Variants in GRIN2A observed in about 807,000 individuals in gnomAD.
GRIN2A encodes the protein glutamate ionotropic receptor NMDA type subunit 2A.
In GRIN2A, 22 loss-of-function variants were observed where a neutral mutation model predicts 113.4. That is an observed-to-expected ratio of 0.19 (90% CI 0.14 to 0.28). The LOEUF is 0.28. Ranked by LOEUF, GRIN2A falls within the 10% of genes least tolerant of loss-of-function variation. The pLI is 1.00. For synonymous variants in GRIN2A, 827 were observed against 738.4 expected (o/e 1.12, Z -1.94); for missense variants, 1,502 against 1,887.0 (o/e 0.80, Z 3.78).
intron 2 of GRIN2A, among the ~76,000 whole-genome samples, chr16:10,073,748 C>CA (rs2047807758): frequency 2.5e-5 from 3 of 121,218 alleles, no homozygotes; most frequent in African/African-American, 9.9e-5. Flanking sequence ...TACTAAAAAT[C>CA]CAGAAAAAAA....
At chr16:10,131,467 T>A (rs2049062096) in intron 2 of GRIN2A, among the ~76,000 whole-genome samples, 1 of 122,056 alleles carries the variant, frequency 8.2e-6, no homozygotes, top group South Asian at 3.6e-4. Flanking sequence ...TCACCACTTA[T>A]CCCATTTTTT....
intron 2 of GRIN2A, among the ~76,000 whole-genome samples, chr16:10,001,539 C>T (rs962879742): frequency 2.0e-5 from 3 of 152,180 alleles, no homozygotes; most frequent in Non-Finnish European, 2.9e-5. Flanking sequence ...GATGCCCCAT[C>T]GTGAACACAA....
intron 2 of GRIN2A, among the ~76,000 whole-genome samples, chr16:9,996,473 G>T (rs932761539): frequency 7.2e-5 from 11 of 152,200 alleles, no homozygotes; most frequent in African/African-American, 2.7e-4. Flanking sequence ...ACCCATCACT[G>T]TAATCGTTAA....
At chr16:10,160,062 C>A (rs1463672816) in intron 2 of GRIN2A, among the ~76,000 whole-genome samples, 2 of 152,214 alleles carry the variant, frequency 1.3e-5, no homozygotes, top group Non-Finnish European at 2.9e-5. Context: ...GTGCAGGGAA[C>A]CTGATTTCAG....
chr16:9,976,325 C>A (rs1282807890), intron 2 of GRIN2A, among the ~76,000 whole-genome samples: 1 of 152,204 alleles, frequency 6.6e-6, no homozygotes, highest in Non-Finnish European at 1.5e-5. Flanking sequence ...AGGTGATATG[C>A]AGCCCCATAT....
intron 2 of GRIN2A, among the ~76,000 whole-genome samples, chr16:10,145,525 A>G (rs1435052169): frequency 6.6e-6 from 1 of 151,012 alleles, no homozygotes; most frequent in Non-Finnish European, 1.5e-5. Flanking sequence ...AAAAAAAAAA[A>G]TTGACCATGA....
chr16:10,097,553 C>T (rs1335328027), intron 2 of GRIN2A, among the ~76,000 whole-genome samples: 1 of 152,150 alleles, frequency 6.6e-6, no homozygotes, highest in African/African-American at 2.4e-5. Context: ...CTCCTGGTCC[C>T]TAAGCCTTCC....
intron 2 of GRIN2A, among the ~76,000 whole-genome samples, chr16:10,080,571 G>A (rs1203667049): frequency 6.6e-6 from 1 of 152,220 alleles, no homozygotes; most frequent in Non-Finnish European, 1.5e-5. Flanking sequence ...GCCTGCCACA[G>A]GGAAATGAGT....
chr16:10,099,238 C>T (rs1163157430), intron 2 of GRIN2A, among the ~76,000 whole-genome samples: 1 of 152,124 alleles, frequency 6.6e-6, no homozygotes, highest in African/African-American at 2.4e-5. Context: ...GATGACTCCC[C>T]ATGTTCAGCA....
rs71400490 is a variant in GRIN2A, at chr16:9,772,922, C to CAAAAA, written c.2357-3838_2357-3834dup. ...AACATGGTAAAGCAGACTTCAATTT[C>CAAAAA]AAAAAAAAAAAAAAAAAAAAAGAGC... On this transcript the variant is annotated intron_variant, in intron 11 of 12. Coordinates refer to ENST00000330684, the MANE Select transcript of GRIN2A (RefSeq NM_001134407.3). 2.3e-3 allele frequency among the ~76,000 whole-genome samples: 235 copies of CAAAAA among 104,306 alleles called. 1 individual carries two copies. Among genetic ancestry groups the CAAAAA allele is most frequent in the Middle Eastern group, 5.7e-3 (1 of 174 alleles). 68.4% of individuals were successfully genotyped at this position (104,306 alleles called of 152,430 possible).
rs1341123959 is a variant in GRIN2A at position 9,759,221 on chromosome 16, G to A, written c.*3928C>T. 4.6e-6 allele frequency: 1 copy of A among 219,020 alleles called. No individual in the cohort carries two copies. The highest frequency in any genetic ancestry group is 2.2e-5 in the African/African-American group (1 of 44,510). The allele number at this position is 219,020 out of a possible 1,614,324, so 13.6% of individuals were successfully genotyped here. On this transcript the variant is annotated 3_prime_UTR_variant, in exon 13 of 13. Transcript: ENST00000330684. Reference sequence around the variant, plus strand: ...TTCAGTACAAGGTACTTATTTATATGACAACTGATTATTAAAGCTGCACTT... The same window carrying A: ...TTCAGTACAAGGTACTTATTTATATAACAACTGATTATTAAAGCTGCACTT...
At chr16:9,867,345 C>G (rs545571863) in intron 4 of GRIN2A, among the ~76,000 whole-genome samples, 1 of 152,306 alleles carries the variant, frequency 6.6e-6, no homozygotes, top group African/African-American at 2.4e-5. Context: ...CACCTGCCCA[C>G]AAGACTGCAA....
chr16:10,179,203 T>C (rs953737555), intron 2 of GRIN2A, among the ~76,000 whole-genome samples: 4 of 152,226 alleles, frequency 2.6e-5, no homozygotes, highest in African/African-American at 9.6e-5. Context: ...ACACTCTTTC[T>C]TGCATTTTGA....
intron 2 of GRIN2A, among the ~76,000 whole-genome samples, chr16:10,149,516 T>G (rs1384872064): frequency 6.6e-6 from 1 of 152,252 alleles, no homozygotes; most frequent in African/African-American, 2.4e-5. Flanking sequence ...GTTGATTAAA[T>G]AAAAGCCCTA....
At chr16:9,915,635 A>T (rs2044234857) in intron 3 of GRIN2A, among the ~76,000 whole-genome samples, 1 of 152,162 alleles carries the variant, frequency 6.6e-6, no homozygotes. Context: ...AATTGATGTA[A>T]TTGATGTCAT....
At chr16:10,112,283 G>C in intron 2 of GRIN2A, 1 of 644,758 alleles carries the variant, frequency 1.6e-6, no homozygotes, top group Middle Eastern at 3.7e-4. Flanking sequence ...TGATTGGGAG[G>C]AATGTGGTGA....
intron 3 of GRIN2A, among the ~76,000 whole-genome samples, chr16:9,893,989 T>C (rs1359055039): frequency 1.3e-5 from 2 of 152,176 alleles, no homozygotes; most frequent in East Asian, 3.9e-4. Flanking sequence ...ATGCCACTTA[T>C]TCACTGATGG....
At chr16:9,905,470 T>G (rs116532024) in intron 3 of GRIN2A, among the ~76,000 whole-genome samples, 113 of 152,332 alleles carry the variant, frequency 7.4e-4, no homozygotes, top group African/African-American at 2.4e-3. Flanking sequence ...GGTGAAAATC[T>G]TAGCTAAAGG....
chr16:10,150,227 G>C (rs370549485), intron 2 of GRIN2A, among the ~76,000 whole-genome samples: 24 of 152,254 alleles, frequency 1.6e-4, no homozygotes, highest in African/African-American at 5.5e-4. Context: ...GCAGCTTTTC[G>C]CTAAACTTAA....
Sources: gnomAD v4.1 joint callset for allele counts (sites outside exome capture counted in the v4.1 genomes callset) on GRCh38, gnomAD v4.1.1 for gene constraint, MANE v1.5 for transcripts, NCBI Gene and HGNC (gene_info 2026-07-23, HGNC 2026-07-21) for gene names.